NXPE2: variants seen among roughly 807,000 people sequenced by gnomAD.
NXPE2 encodes the protein NXPE family member 2.
A neutral mutation model predicts 34.4 loss-of-function variants in NXPE2; 34 were observed. The ratio of observed to expected loss-of-function variants is 0.99; its 90% CI spans 0.75 to 1.31. The LOEUF (loss-of-function observed/expected upper bound fraction) is 1.31. Among genes scored for constraint, NXPE2 ranks in the 40% most tolerant of loss-of-function variants. The pLI is 0.00. For synonymous variants in NXPE2, 235 were observed against 231.3 expected (o/e 1.02, Z -0.15); for missense variants, 649 against 672.5 (o/e 0.97, Z 0.39).
intron 2 of NXPE2, among the ~76,000 whole-genome samples, chr11:114,696,567 A>C (rs984411041): frequency 5.9e-5 from 9 of 152,178 alleles, no homozygotes; most frequent in Non-Finnish European, 1.2e-4. Context: ...TAATGGTAAA[A>C]GTGACAGTTC....
At chr11:114,589,429 G>A in the NXPE2 span, among the ~76,000 whole-genome samples, 1 of 152,126 alleles carries the variant, frequency 6.6e-6, no homozygotes, top group Admixed American at 6.5e-5. Context: ...AGCATGAGGG[G>A]TGTGGGGTGT....
At chr11:114,728,663 A>G in the NXPE2 span, among the ~76,000 whole-genome samples, 23 of 152,204 alleles carry the variant, frequency 1.5e-4, no homozygotes, top group African/African-American at 4.8e-4. Flanking sequence ...ACAAGATATT[A>G]CATACTTTAG....
At chr11:114,677,639 G>A (rs1171248463), upstream of NXPE2, among the ~76,000 whole-genome samples, 1 of 151,950 alleles carries the variant, frequency 6.6e-6, no homozygotes, top group East Asian at 1.9e-4. Flanking sequence ...CTGTTATATA[G>A]ACATGGAGGG....
the NXPE2 span, among the ~76,000 whole-genome samples, chr11:114,569,099 T>G: frequency 6.6e-6 from 1 of 152,184 alleles, no homozygotes; most frequent in Non-Finnish European, 1.5e-5. Context: ...TAAACATATT[T>G]AAGTTGCCCT....
the NXPE2 span, chr11:114,529,591 A>T: frequency 2.6e-5 from 4 of 152,978 alleles, no homozygotes; most frequent in African/African-American, 9.6e-5. Context: ...AGGTCACAAC[A>T]TGAGGAGTAA....
At chr11:114,472,888 G>C in the NXPE2 span, among the ~76,000 whole-genome samples, 1 of 152,020 alleles carries the variant, frequency 6.6e-6, no homozygotes, top group East Asian at 1.9e-4. Flanking sequence ...AAATGAAGGT[G>C]GGGGGGTTGT....
upstream of NXPE2, among the ~76,000 whole-genome samples, chr11:114,675,256 A>T (rs1712816): frequency 6.6e-6 from 1 of 151,552 alleles, no homozygotes; most frequent in Non-Finnish European, 1.5e-5. Flanking sequence ...GAGGAATAAG[A>T]GGATACCCAC....
the NXPE2 span, among the ~76,000 whole-genome samples, chr11:114,514,872 A>G: frequency 6.6e-6 from 1 of 152,086 alleles, no homozygotes; most frequent in South Asian, 2.1e-4. Context: ...TTGTGTTCAC[A>G]TCTATTTTCT....
At chr11:114,752,091 A>C in the NXPE2 span, among the ~76,000 whole-genome samples, 296 of 152,358 alleles carry the variant, frequency 1.9e-3, 2 homozygotes, top group African/African-American at 6.6e-3. Flanking sequence ...GTTTGTGTTA[A>C]TTTGTTACAA....
At chr11:114,481,124 G>A in the NXPE2 span, among the ~76,000 whole-genome samples, 1 of 152,176 alleles carries the variant, frequency 6.6e-6, no homozygotes, top group South Asian at 2.1e-4. Context: ...TCAGGACCAG[G>A]TCAGTTCCTA....
At chr11:114,749,874 C>T in the NXPE2 span, among the ~76,000 whole-genome samples, 1 of 152,174 alleles carries the variant, frequency 6.6e-6, no homozygotes, top group African/African-American at 2.4e-5. Flanking sequence ...CCACCCTGTG[C>T]CTGATTCCCC....
chr11:114,497,381 C>T, the NXPE2 span, among the ~76,000 whole-genome samples: 3 of 152,196 alleles, frequency 2.0e-5, no homozygotes, highest in African/African-American at 7.2e-5. Flanking sequence ...CATTTACTCA[C>T]CACTCACTGA....
At chr11:114,611,285 A>G in the NXPE2 span, among the ~76,000 whole-genome samples, 20 of 151,668 alleles carry the variant, frequency 1.3e-4, 1 homozygote, top group Middle Eastern at 6.8e-3. Flanking sequence ...CCTGTCGATA[A>G]TAAGTGTTGC....
the NXPE2 span, among the ~76,000 whole-genome samples, chr11:114,716,862 ACTGT>A: frequency 3.1e-4 from 47 of 152,246 alleles, no homozygotes; most frequent in African/African-American, 8.7e-4. Context: ...GACAAAGAAC[ACTGT>A]CTGTGAGAAC....
chr11:114,594,577 A>C, the NXPE2 span: 3 of 821,958 alleles, frequency 3.6e-6, no homozygotes, highest in East Asian at 7.4e-5. Context: ...ATAATCTACA[A>C]GTCTTGTAGT....
At chr11:114,685,748 A>G (rs1284055216) in intron 2 of NXPE2, among the ~76,000 whole-genome samples, 1 of 152,152 alleles carries the variant, frequency 6.6e-6, no homozygotes, top group Admixed American at 6.5e-5. Flanking sequence ...ACTATTTTAA[A>G]GAGACTTTCC....
intron 4 of NXPE2, among the ~76,000 whole-genome samples, 176 bp from the exon 5 acceptor site, chr11:114,705,605 A>G (rs1951456018): frequency 6.6e-6 from 1 of 152,214 alleles, no homozygotes; most frequent in Non-Finnish European, 1.5e-5. Context: ...AAGCTATTTA[A>G]TTCACCCTTT....
At chr11:114,677,772 A>G (rs78245615), upstream of NXPE2, among the ~76,000 whole-genome samples, 1,331 of 152,184 alleles carry the variant, frequency 8.7e-3, 19 homozygotes, top group African/African-American at 0.031. Flanking sequence ...GATAGCTATC[A>G]TCTATCTATA....
chr11:114,557,024 C>T, the NXPE2 span, among the ~76,000 whole-genome samples: 1 of 151,878 alleles, frequency 6.6e-6, no homozygotes, highest in African/African-American at 2.4e-5. Flanking sequence ...TCCTGAGTAG[C>T]TGGGATTACA....
Sources: gnomAD v4.1 joint callset for allele counts (sites outside exome capture counted in the v4.1 genomes callset) on GRCh38, gnomAD v4.1.1 for gene constraint, MANE v1.5 for transcripts, NCBI Gene and HGNC (gene_info 2026-07-23, HGNC 2026-07-21) for gene names.